The following PTPRT variants were observed in gnomAD, a reference collection of about 807,000 sequenced individuals.
PTPRT encodes the protein protein tyrosine phosphatase receptor type T, also known as receptor-type tyrosine-protein phosphatase T.
In PTPRT, 56 loss-of-function variants were observed where a neutral mutation model predicts 176.8. The ratio of observed to expected loss-of-function variants is 0.32; its 90% confidence interval spans 0.26 to 0.40. The LOEUF (loss-of-function observed/expected upper bound fraction) is 0.40. Ranked by LOEUF, PTPRT falls within the 10% of genes least tolerant of loss-of-function variation. The pLI is 1.00. For synonymous variants in PTPRT, 783 were observed against 739.0 expected (o/e 1.06, Z -0.96); for missense variants, 1,540 against 1,908.2 (o/e 0.81, Z 3.60).
At chr20:42,950,748 T>C (rs1023870757) in intron 1 of PTPRT, among the ~76,000 whole-genome samples, 2 of 152,218 alleles carry the variant, frequency 1.3e-5, no homozygotes, top group African/African-American at 4.8e-5. Flanking sequence ...TATTAATATG[T>C]CTGCAATCTC....
intron 7 of PTPRT, among the ~76,000 whole-genome samples, chr20:42,597,914 C>T (rs986915042): frequency 6.6e-6 from 1 of 151,986 alleles, no homozygotes; most frequent in African/African-American, 2.4e-5. Flanking sequence ...ATATATAGAC[C>T]AAAACTTAAA....
chr20:42,375,689 C>T (rs78510123), intron 9 of PTPRT, among the ~76,000 whole-genome samples: 12,070 of 151,954 alleles, frequency 0.079, 495 homozygotes, highest in Middle Eastern at 0.13. Context: ...ACCAAGTAAA[C>T]CGATAAATAA....
chr20:42,639,197 C>G (rs1225611294), intron 7 of PTPRT, among the ~76,000 whole-genome samples: 1 of 152,098 alleles, frequency 6.6e-6, no homozygotes, highest in Non-Finnish European at 1.5e-5. Context: ...CACAGGTGCT[C>G]TGTAGCAGCC....
At chr20:42,888,508 C>T (rs2079139252) in intron 1 of PTPRT, among the ~76,000 whole-genome samples, 1 of 152,190 alleles carries the variant, frequency 6.6e-6, no homozygotes, top group Non-Finnish European at 1.5e-5. Context: ...AGAATTGATG[C>T]ACTGAGGGGA....
At chr20:42,930,663 A>G (rs1979784084) in intron 1 of PTPRT, among the ~76,000 whole-genome samples, 1 of 151,394 alleles carries the variant, frequency 6.6e-6, no homozygotes, top group African/African-American at 2.4e-5. Context: ...TTTATTTTGC[A>G]AAGACAGGGT....
At chr20:42,580,443 A>C (rs986122342) in intron 7 of PTPRT, among the ~76,000 whole-genome samples, 277 of 152,246 alleles carry the variant, frequency 1.8e-3, no homozygotes, top group African/African-American at 6.4e-3. Flanking sequence ...CTGTGAGGAA[A>C]GTCATTGGTA....
intron 8 of PTPRT, among the ~76,000 whole-genome samples, chr20:42,452,008 C>G (rs141284495): frequency 6.6e-6 from 1 of 152,136 alleles, no homozygotes; most frequent in African/African-American, 2.4e-5. Flanking sequence ...TGGTGGCCCA[C>G]GCCTATAATC....
Position 42,106,918 on chromosome 20 carries a change from A to T in PTPRT, c.3258T>A (p.Ala1086=). The change falls in exon 24 of 31, where the codon GCT becomes GCA. Residue 1086 remains alanine (A), a synonymous_variant. Transcript: ENST00000373187. ...EAGPIVVHCS[A]GAGRTGCFIA... is the part of the protein sequence containing the mutation. ...TGAAGCAGCCAGTCCGCCCAGCCCC[A>T]GCACTGGAAGAGAGGTATGGTCTGT... 6.2e-7 allele frequency: 1 copy of T among 1,614,014 alleles called. No homozygotes were observed. Among genetic ancestry groups the T allele is most frequent in the Non-Finnish European group, 8.5e-7 (1 of 1,179,940 alleles).
chr20:42,507,137 A>G (rs1392762811), intron 7 of PTPRT, among the ~76,000 whole-genome samples: 4 of 152,154 alleles, frequency 2.6e-5, no homozygotes, highest in Non-Finnish European at 2.9e-5. Flanking sequence ...ATCCATGGGC[A>G]GGTTAGAAGG....
At chr20:42,958,450 G>C (rs1981799004) in intron 1 of PTPRT, among the ~76,000 whole-genome samples, 8 of 129,700 alleles carry the variant, frequency 6.2e-5, no homozygotes, top group African/African-American at 8.7e-5. Context: ...GGGTGAGGAG[G>C]AAAGGAGGGG....
rs192148497 is a variant in PTPRT, at chr20:42,914,525, G to T, written c.89-28593C>A. Among the ~76,000 whole-genome samples, 43 of 152,212 alleles carry T rather than the reference G, an allele frequency of 2.8e-4. 2 individuals are homozygous for T. In the South Asian group the frequency reaches 8.9e-3, roughly 32 times the overall value. On this transcript the variant is annotated intron_variant, in intron 1 of 30. Coordinates refer to ENST00000373187, the MANE Select transcript of PTPRT (RefSeq NM_007050.6). ...CAATAAAAACGAATGACCTATTGAC[G>T]CTTGCAACAATATGGCCAAGCATCA...
intron 2 of PTPRT, among the ~76,000 whole-genome samples, chr20:42,793,620 C>A (rs542090584): frequency 2.6e-5 from 4 of 152,104 alleles, no homozygotes; most frequent in Non-Finnish European, 4.4e-5. Context: ...TATGGCCGTG[C>A]AGTAACACAA....
chr20:42,212,523 G>A (rs1283319905), intron 15 of PTPRT, among the ~76,000 whole-genome samples: 1 of 151,880 alleles, frequency 6.6e-6, no homozygotes, highest in African/African-American at 2.4e-5. Flanking sequence ...AGGCAGGACT[G>A]CATAGCAGTT....
In PTPRT at chr20:42,378,056, T is replaced by A. The variant is rs6072711; in HGVS notation, c.1561-25771A>T. Among the ~76,000 whole-genome samples the A allele has an allele frequency of 2.0e-5, 3 of 152,012 alleles. 1 individual carries two copies. The South Asian group carries it at 6.2e-4, about 31-fold the overall frequency. ...GGCAGAATAGAAGGCTTAACAGATG[T>A]GGTACATCTCACTGGTTGAGAATTC... On this transcript the variant is annotated intron_variant, in intron 9 of 30. Coordinates refer to ENST00000373187, the MANE Select transcript of PTPRT (RefSeq NM_007050.6).
chr20:42,175,802 A>G (rs1174885923), intron 16 of PTPRT, among the ~76,000 whole-genome samples: 1 of 152,172 alleles, frequency 6.6e-6, no homozygotes, highest in Non-Finnish European at 1.5e-5. Context: ...AGATGGATTG[A>G]AGGATGGATA....
chr20:42,109,491 T>C (rs1417802722), intron 23 of PTPRT, among the ~76,000 whole-genome samples: 1 of 152,184 alleles, frequency 6.6e-6, no homozygotes, highest in East Asian at 1.9e-4. Flanking sequence ...ATATCTCTTC[T>C]TCATAATAAG....
intron 1 of PTPRT, among the ~76,000 whole-genome samples, chr20:43,082,478 C>T (rs901603274): frequency 2.0e-5 from 3 of 152,088 alleles, no homozygotes; most frequent in Non-Finnish European, 2.9e-5. Flanking sequence ...AAGACACAAC[C>T]CTTGGACTGC....
At chr20:42,744,673 G>C (rs1378958269) in intron 6 of PTPRT, among the ~76,000 whole-genome samples, 2 of 152,122 alleles carry the variant, frequency 1.3e-5, no homozygotes, top group Non-Finnish European at 1.5e-5. Context: ...TTAATAACAG[G>C]CCTGCTTAGC....
chr20:42,384,056 A>C (rs2058720396), intron 9 of PTPRT, among the ~76,000 whole-genome samples: 1 of 152,222 alleles, frequency 6.6e-6, no homozygotes, highest in Admixed American at 6.5e-5. Flanking sequence ...GACACAGGGC[A>C]CATGGTCCAA....
Sources: gnomAD v4.1 joint callset for allele counts (sites outside exome capture counted in the v4.1 genomes callset) on GRCh38, gnomAD v4.1.1 for gene constraint, MANE v1.5 for transcripts, NCBI Gene and HGNC (gene_info 2026-07-23, HGNC 2026-07-21) for gene names.